The following GRID1 variants were observed in gnomAD, a reference collection of about 807,000 sequenced individuals.
The protein encoded by GRID1 is glutamate ionotropic receptor delta type subunit 1.
Under a neutral mutation model 98.0 loss-of-function variants are expected in GRID1, and 28 were observed. That is an observed-to-expected ratio of 0.29 (90% CI 0.21 to 0.39). The LOEUF (loss-of-function observed/expected upper bound fraction) is 0.39. Among genes scored for constraint, GRID1 ranks in the 10% least tolerant of loss-of-function variants. The probability of loss-of-function intolerance (pLI) is 1.00; values close to 1 mark genes in which losing one functional copy is unlikely to be tolerated. For missense variants in GRID1, 1,111 were observed against 1,340.5 expected (o/e 0.83, Z 2.67); for synonymous variants, 553 against 538.5 (o/e 1.03, Z -0.37).
At chr10:85,854,764 A>G (rs2131780603) in intron 7 of GRID1, 149 bp from the exon 8 acceptor site, 2 of 702,180 alleles carry the variant, frequency 2.8e-6, no homozygotes, top group Non-Finnish European at 4.9e-6. Context: ...AAGATGGGCT[A>G]GTGGTCCTAG....
intron 6 of GRID1, among the ~76,000 whole-genome samples, chr10:85,864,372 T>C (rs969613533): frequency 6.6e-5 from 10 of 152,244 alleles, no homozygotes; most frequent in Admixed American, 2.0e-4. Flanking sequence ...CTGCTGAATC[T>C]GAGGCGACGG....
intron 11 of GRID1, 146 bp downstream of exon 11, chr10:85,724,206 G>A (rs545261685): frequency 1.7e-6 from 1 of 579,682 alleles, no homozygotes; most frequent in East Asian, 2.8e-5. Flanking sequence ...GAGAAATTGG[G>A]TGCAGCATGA....
chr10:85,912,775 C>T (rs1469094488), intron 5 of GRID1, among the ~76,000 whole-genome samples: 1 of 152,198 alleles, frequency 6.6e-6, no homozygotes, highest in Non-Finnish European at 1.5e-5. Flanking sequence ...GGAAAGTGAG[C>T]CAGTAAATGC....
At chr10:85,977,226 T>C (rs937223523) in intron 4 of GRID1, among the ~76,000 whole-genome samples, 5 of 152,204 alleles carry the variant, frequency 3.3e-5, no homozygotes, top group African/African-American at 1.2e-4. Context: ...GTGGCTGGCA[T>C]GTAGTAGATG....
chr10:86,019,069 A>T (rs537429490), intron 4 of GRID1, among the ~76,000 whole-genome samples: 2 of 152,224 alleles, frequency 1.3e-5, no homozygotes, highest in African/African-American at 2.4e-5. Context: ...CTTATAGGAC[A>T]AGATGGTGCC....
At chr10:85,906,894 T>C (rs1841468721) in intron 5 of GRID1, among the ~76,000 whole-genome samples, 2 of 151,852 alleles carry the variant, frequency 1.3e-5, no homozygotes, top group South Asian at 2.1e-4. Flanking sequence ...TTAATATAAA[T>C]GGAAATTGAA....
intron 4 of GRID1, among the ~76,000 whole-genome samples, chr10:85,938,399 A>G (rs991151395): frequency 1.3e-5 from 2 of 152,182 alleles, no homozygotes; most frequent in African/African-American, 4.8e-5. Flanking sequence ...TTCATCTTAT[A>G]TATTTCAAAA....
intron 3 of GRID1, among the ~76,000 whole-genome samples, chr10:86,172,299 C>G (rs544352627): frequency 3.7e-4 from 57 of 152,258 alleles, no homozygotes; most frequent in African/African-American, 1.3e-3. Flanking sequence ...ATAATGTTTT[C>G]AAGGTTCATC....
At chr10:85,627,824 G>A (rs943784424) in intron 13 of GRID1, among the ~76,000 whole-genome samples, 2 of 152,194 alleles carry the variant, frequency 1.3e-5, no homozygotes, top group African/African-American at 2.4e-5. Context: ...GGCTCAACGC[G>A]AGTTCCGTTT....
chr10:85,966,053 A>G (rs1842332596), intron 4 of GRID1, among the ~76,000 whole-genome samples: 1 of 152,194 alleles, frequency 6.6e-6, no homozygotes, highest in African/African-American at 2.4e-5. Flanking sequence ...AAAAAGTTCC[A>G]TTCTCCAGGG....
At chr10:86,205,631 T>C (rs565500029) in intron 3 of GRID1, among the ~76,000 whole-genome samples, 2 of 152,158 alleles carry the variant, frequency 1.3e-5, no homozygotes. Context: ...TATAATTGCA[T>C]GTAAATCTAA....
At chr10:85,945,939 G>A (rs766890702) in intron 4 of GRID1, among the ~76,000 whole-genome samples, 1 of 152,154 alleles carries the variant, frequency 6.6e-6, no homozygotes, top group Non-Finnish European at 1.5e-5. Context: ...CTTGAACCAA[G>A]AATTTACTTC....
chr10:85,776,336 A>G (rs1053472694), intron 8 of GRID1, among the ~76,000 whole-genome samples: 1 of 152,250 alleles, frequency 6.6e-6, no homozygotes, highest in South Asian at 2.1e-4. Context: ...GCTCAGATCA[A>G]TTTCATGCTT....
At chr10:85,787,957 G>A (rs1355194653) in intron 8 of GRID1, among the ~76,000 whole-genome samples, 5 of 151,454 alleles carry the variant, frequency 3.3e-5, no homozygotes, top group African/African-American at 7.3e-5. Context: ...CCCTGGTTCC[G>A]CTCTTTGCTC....
chr10:85,787,360 A>C (rs553571376), intron 8 of GRID1, among the ~76,000 whole-genome samples: 2 of 152,210 alleles, frequency 1.3e-5, no homozygotes, highest in African/African-American at 4.8e-5. Context: ...TTTTCCTCTG[A>C]GTCTGCTGTC....
At chr10:86,176,047 G>A (rs1281567104) in intron 3 of GRID1, among the ~76,000 whole-genome samples, 1 of 152,160 alleles carries the variant, frequency 6.6e-6, no homozygotes, top group Non-Finnish European at 1.5e-5. Flanking sequence ...GTTTCACCAT[G>A]TTGGCCAGGC....
intron 12 of GRID1, among the ~76,000 whole-genome samples, chr10:85,667,938 C>A (rs146371476): frequency 3.9e-5 from 6 of 152,326 alleles, no homozygotes; most frequent in African/African-American, 1.4e-4. Flanking sequence ...CTGGAGGGCA[C>A]CCACCATTCC....
chr10:86,077,973 G>A (rs989810761), intron 4 of GRID1, among the ~76,000 whole-genome samples: 2 of 152,250 alleles, frequency 1.3e-5, no homozygotes, highest in Non-Finnish European at 2.9e-5. Context: ...CTGTGAGGCT[G>A]CCCAAGGGGC....
At chr10:85,664,716 C>A (rs932493248) in intron 12 of GRID1, among the ~76,000 whole-genome samples, 1 of 152,082 alleles carries the variant, frequency 6.6e-6, no homozygotes, top group South Asian at 2.1e-4. Flanking sequence ...TCCAGGAGGG[C>A]GCAATAGGTC....
Sources: allele counts gnomAD v4.1 joint callset (sites outside exome capture counted in the v4.1 genomes callset), GRCh38; gene constraint gnomAD v4.1.1; transcripts MANE v1.5; gene names NCBI Gene and HGNC (gene_info 2026-07-23, HGNC 2026-07-21).